The following BTRC variants were observed in gnomAD, a reference collection of about 807,000 sequenced individuals.
BTRC encodes F-box/WD repeat-containing protein 1A.
Under a neutral mutation model 85.5 loss-of-function variants are expected in BTRC, and 42 were observed. The ratio of observed to expected loss-of-function variants is 0.49; its 90% CI spans 0.38 to 0.64. The LOEUF (loss-of-function observed/expected upper bound fraction) is 0.64, where lower values mean the gene tolerates loss of function less well. Ranked by LOEUF, BTRC falls within the 30% of genes least tolerant of loss-of-function variation. The probability of loss-of-function intolerance (pLI) is 0.00; values close to 1 mark genes in which losing one functional copy is unlikely to be tolerated. For synonymous variants in BTRC, 255 were observed against 263.3 expected, an observed-to-expected ratio of 0.97 and a Z score of 0.30; for missense variants, 594 against 743.5, an observed-to-expected ratio of 0.80 and a Z score of 2.34.
intron 3 of BTRC, among the ~76,000 whole-genome samples, chr10:101,470,455 C>T (rs1945492685): frequency 6.6e-6 from 1 of 151,550 alleles, no homozygotes; most frequent in African/African-American, 2.4e-5. Context: ...GCCTCAGCCT[C>T]CTGAGTAGAT....
chr10:101,386,094 G>A (rs1054057961), intron 1 of BTRC, among the ~76,000 whole-genome samples: 1 of 152,156 alleles, frequency 6.6e-6, no homozygotes, highest in South Asian at 2.1e-4. Context: ...TAGCTATTCA[G>A]GCAAGGGGCC....
intron 1 of BTRC, among the ~76,000 whole-genome samples, chr10:101,392,739 G>A (rs1182942715): frequency 1.3e-5 from 2 of 152,042 alleles, no homozygotes; most frequent in South Asian, 2.1e-4. Context: ...GGCCAGACTG[G>A]TCTCGAACTC....
intron 1 of BTRC, chr10:101,414,698 T>C (rs765618574): frequency 3.9e-6 from 2 of 516,696 alleles, no homozygotes; most frequent in East Asian, 5.5e-5. Flanking sequence ...GACAGTGATA[T>C]TGATGATCCT....
Position 101,436,889 on chromosome 10 carries a change from AT to A in BTRC, c.156+6438del, listed in dbSNP as rs1446181374. Among the ~76,000 whole-genome samples, 4 of 152,222 alleles carry A rather than the reference AT, an allele frequency of 2.6e-5. No individual in the cohort carries two copies. The East Asian group carries it at 7.7e-4, about 29-fold the overall frequency. ...CAAAGTGAAATGTTAAAATGGAACA[AT>A]ACAGGAAAATTAGGCATTATTCATT... is the stretch of plus-strand genomic sequence containing the variant. On this transcript the variant is annotated intron_variant, in intron 2 of 14. Coordinates refer to ENST00000370187, the MANE Select transcript of BTRC (RefSeq NM_033637.4).
At chr10:101,498,195 C>T (rs1946312466) in intron 4 of BTRC, among the ~76,000 whole-genome samples, 1 of 152,052 alleles carries the variant, frequency 6.6e-6, no homozygotes, top group African/African-American at 2.4e-5. Flanking sequence ...ATCCTGTCGC[C>T]CAGGCTGGAG....
At chr10:101,552,225 G>A (rs2062662518) in intron 14 of BTRC, among the ~76,000 whole-genome samples, 1 of 151,520 alleles carries the variant, frequency 6.6e-6, no homozygotes, top group Non-Finnish European at 1.5e-5. Context: ...CTTCACTCCT[G>A]TCACCCAAGC....
At chr10:101,435,561 A>T (rs988583043) in intron 2 of BTRC, among the ~76,000 whole-genome samples, 2 of 152,208 alleles carry the variant, frequency 1.3e-5, no homozygotes, top group African/African-American at 4.8e-5. Flanking sequence ...ATTTCATTAT[A>T]TTAGTACACC....
intron 2 of BTRC, among the ~76,000 whole-genome samples, chr10:101,451,731 G>A (rs1368567870): frequency 6.6e-6 from 1 of 152,142 alleles, no homozygotes; most frequent in Admixed American, 6.5e-5. Flanking sequence ...ATGGCAGAGG[G>A]TCAGTAATCA....
At chr10:101,471,416 ACT>A in intron 3 of BTRC, among the ~76,000 whole-genome samples, 1 of 152,240 alleles carries the variant, frequency 6.6e-6, no homozygotes. Context: ...ATAGATAACT[ACT>A]TTTTTTTTCA....
chr10:101,438,194 A>T (rs1182232650), intron 2 of BTRC, among the ~76,000 whole-genome samples: 1 of 152,118 alleles, frequency 6.6e-6, no homozygotes, highest in East Asian at 1.9e-4. Flanking sequence ...TGGGAGGCCA[A>T]GGAGGGCAGA....
intron 1 of BTRC, among the ~76,000 whole-genome samples, chr10:101,366,702 A>T (rs1166971822): frequency 7.0e-6 from 1 of 142,320 alleles, no homozygotes; most frequent in Non-Finnish European, 1.5e-5. Context: ...AGATAGATAT[A>T]ATTTGAGTAT....
chr10:101,481,275 G>A (rs1456096416), intron 4 of BTRC, among the ~76,000 whole-genome samples: 1 of 152,112 alleles, frequency 6.6e-6, no homozygotes, highest in Admixed American at 6.5e-5. Context: ...TTTTGTGCAT[G>A]GAAACAGGGA....
At chr10:101,472,477 T>C (rs536068243) in intron 3 of BTRC, among the ~76,000 whole-genome samples, 2 of 152,108 alleles carry the variant, frequency 1.3e-5, no homozygotes, top group Admixed American at 6.5e-5. Flanking sequence ...TTTCCTAACA[T>C]AGGAAACCTG....
At chr10:101,432,433 C>T (rs1020322877) in intron 2 of BTRC, among the ~76,000 whole-genome samples, 1 of 152,054 alleles carries the variant, frequency 6.6e-6, no homozygotes, top group African/African-American at 2.4e-5. Flanking sequence ...TGGCTATATC[C>T]TATATTTTTA....
At position 101,467,709 on chromosome 10, in the gene BTRC, G is replaced by A. The variant is rs184313257; in HGVS notation, c.234+5651G>A. On this transcript the variant is annotated intron_variant, in intron 3 of 14. Coordinates refer to ENST00000370187, the MANE Select transcript of BTRC (RefSeq NM_033637.4). ...TTGGGCTTTGGGTAAAAAAAAAATT[G>A]CCTGAGATGTTTATTAATAAAAAAA... is the stretch of plus-strand genomic sequence containing the variant. Among the ~76,000 whole-genome samples the A allele has an allele frequency of 7.9e-5, 12 of 151,328 alleles. No individual in the cohort carries two copies. The East Asian group carries it at 2.2e-3, about 27-fold the overall frequency.
intron 1 of BTRC, among the ~76,000 whole-genome samples, chr10:101,386,309 G>C (rs1331749028): frequency 6.6e-6 from 1 of 152,182 alleles, no homozygotes; most frequent in Non-Finnish European, 1.5e-5. Flanking sequence ...GAAGCATGTG[G>C]AATAAACTCT....
chr10:101,552,700 C>T (rs2062671245), intron 14 of BTRC, among the ~76,000 whole-genome samples: 1 of 152,204 alleles, frequency 6.6e-6, no homozygotes, highest in African/African-American at 2.4e-5. Flanking sequence ...ACATCCTCAA[C>T]TGCACTGTCC....
intron 2 of BTRC, among the ~76,000 whole-genome samples, chr10:101,445,160 ACT>A (rs1944788555): frequency 6.6e-6 from 1 of 151,826 alleles, no homozygotes; most frequent in Non-Finnish European, 1.5e-5. Context: ...AGGAGTCATG[ACT>A]CTCTGGTAAG....
At chr10:101,459,799 G>A (rs141965567) in intron 2 of BTRC, among the ~76,000 whole-genome samples, 2 of 152,198 alleles carry the variant, frequency 1.3e-5, no homozygotes, top group East Asian at 3.9e-4. Context: ...ATAAAATAGA[G>A]GGTCAGTAAA....
Sources: allele counts gnomAD v4.1 joint callset (sites outside exome capture counted in the v4.1 genomes callset), GRCh38; gene constraint gnomAD v4.1.1; transcripts MANE v1.5; gene names NCBI Gene and HGNC (gene_info 2026-07-23, HGNC 2026-07-21).